The following RGR variants were observed in gnomAD, a reference collection of about 807,000 sequenced individuals.
RGR encodes the protein RPE-retinal G protein-coupled receptor.
Under a neutral mutation model 28.6 loss-of-function variants are expected in RGR, and 30 were observed. The observed-to-expected ratio is 1.05, with a 90% confidence interval of 0.78 to 1.42. The LOEUF is 1.42. Ranked by LOEUF, RGR falls within the 40% of genes most tolerant of loss-of-function variation. RGR has a pLI of 0.00. For missense variants in RGR, 404 were observed against 375.6 expected, an observed-to-expected ratio of 1.08 and a Z score of -0.62; for synonymous variants, 180 against 156.4, an observed-to-expected ratio of 1.15 and a Z score of -1.13.
intron 3 of RGR, among the ~76,000 whole-genome samples, chr10:84,252,538 C>T (rs558161278): frequency 1.6e-4 from 24 of 152,324 alleles, no homozygotes; most frequent in African/African-American, 5.5e-4. Context: ...CCATTGTGGG[C>T]GAGAATACTG....
In RGR at chr10:84,245,176, C is replaced by T. The variant is rs771969695; in HGVS notation, c.79+7C>T. 6 of 1,611,920 alleles carry T rather than the reference C, an allele frequency of 3.7e-6. No homozygotes were observed. The Admixed American group carries it at 1.0e-4, about 27-fold the overall frequency. ...ATGGTGCTACTGGTGGAAGGTGAGCCAGGCAGAACCTGGGGTGCAGCGGGG... is the reference window on the plus strand; with the variant it reads ...ATGGTGCTACTGGTGGAAGGTGAGCTAGGCAGAACCTGGGGTGCAGCGGGG... On this transcript the variant is annotated splice_region_variant and intron_variant, in intron 1 of 6. Coordinates refer to ENST00000652092, the MANE Select transcript of RGR (RefSeq NM_001012720.2).
At chr10:84,258,319 C>G (rs1400026399) in intron 6 of RGR, among the ~76,000 whole-genome samples, 189 bp from the exon 7 acceptor site, 2 of 152,114 alleles carry the variant, frequency 1.3e-5, no homozygotes, top group African/African-American at 2.4e-5. Context: ...GCAGGTGGGT[C>G]TGGACAAGAG....
intron 6 of RGR, 127 bp from the exon 7 acceptor site, chr10:84,258,381 A>G: frequency 6.7e-6 from 10 of 1,484,076 alleles, no homozygotes; most frequent in Non-Finnish European, 9.3e-6. Flanking sequence ...TAGTCAGGGA[A>G]GCCTCCAAGG....
chr10:84,245,737 C>CG (rs1842739288), intron 1 of RGR, among the ~76,000 whole-genome samples: 1 of 152,222 alleles, frequency 6.6e-6, no homozygotes, highest in African/African-American at 2.4e-5. Context: ...TCCTCTCCAG[C>CG]CCCACCACTA....
At chr10:84,251,234 C>CA (rs1842814899) in intron 3 of RGR, among the ~76,000 whole-genome samples, 3 of 152,086 alleles carry the variant, frequency 2.0e-5, no homozygotes, top group South Asian at 4.1e-4. Context: ...GACTCTGTCT[C>CA]AAAAATTTTT....
chr10:84,250,040 C>G (rs899362470), intron 3 of RGR, among the ~76,000 whole-genome samples: 2 of 152,154 alleles, frequency 1.3e-5, no homozygotes, highest in African/African-American at 4.8e-5. Flanking sequence ...CCCTGTTTAC[C>G]ACCAGGGGTA....
At chr10:84,253,677 T>C (rs1842847762) in intron 4 of RGR, among the ~76,000 whole-genome samples, 1 of 152,208 alleles carries the variant, frequency 6.6e-6, no homozygotes, top group Non-Finnish European at 1.5e-5. Flanking sequence ...TCATGAGGCA[T>C]CTGCACTGGA....
At chr10:84,248,153 T>C in intron 2 of RGR, 1 of 986,668 alleles carries the variant, frequency 1.0e-6, no homozygotes, top group South Asian at 1.6e-5. Flanking sequence ...TACCTAGGAC[T>C]CTACGTAAGT....
Position 84,258,655 on chromosome 10 carries a change from G to C in RGR, c.*16G>C, listed in dbSNP as rs774665531. On this transcript the variant is annotated 3_prime_UTR_variant, in exon 7 of 7. Transcript: ENST00000652092. ...AACCAAGTGAGCCTGCCACCCTGGAGTGAGCCCCAGGCCAGGAGGCTGTTC... is the reference window on the plus strand; with the variant it reads ...AACCAAGTGAGCCTGCCACCCTGGACTGAGCCCCAGGCCAGGAGGCTGTTC... 1.9e-6 allele frequency: 3 copies of C among 1,613,950 alleles called. No individual in the cohort carries two copies. The East Asian group carries it at 6.7e-5, about 36-fold the overall frequency.
At position 84,259,368 on chromosome 10, in the gene RGR, T is replaced by G. The variant is rs1440433287; in HGVS notation, c.*729T>G. The G allele has an allele frequency of 1.3e-5, 2 of 152,542 alleles. No individual in the cohort carries two copies. The highest frequency in any genetic ancestry group is 2.9e-5 in the Non-Finnish European group (2 of 68,292). 9.4% of individuals were successfully genotyped at this position (152,542 alleles called of 1,614,324 possible). On this transcript the variant is annotated 3_prime_UTR_variant, in exon 7 of 7. Transcript: ENST00000652092. ...AAGCATACAAGTGCAGGTTTCTTTT[T>G]GATATACTGATTTCTTTTCCTTTGG...
intron 1 of RGR, among the ~76,000 whole-genome samples, chr10:84,246,287 T>TG (rs1842745367): frequency 6.6e-6 from 1 of 152,228 alleles, no homozygotes; most frequent in Non-Finnish European, 1.5e-5. Context: ...CATAGATGAA[T>TG]TACATCGTGG....
At chr10:84,250,517 TACACACACACACACAC>T (rs34459757) in intron 3 of RGR, 12 of 607,556 alleles carry the variant, frequency 2.0e-5, no homozygotes, top group South Asian at 3.6e-5. Flanking sequence ...GACCATCTTA[TACACACACACACACAC>T]ACACACACAC....
At position 84,253,557 on chromosome 10, in the gene RGR, C is replaced by A. The variant is rs201350947; in HGVS notation, c.512+547C>A. Among the ~76,000 whole-genome samples the A allele has an allele frequency of 5.9e-5, 9 of 152,194 alleles. No homozygotes were observed. The East Asian group carries it at 1.5e-3, about 26-fold the overall frequency. ...TCAGGAGGCTCTAGGGAGACAAGGGCTTAGGGGGATCCTTTAGGAACTGCC... is the reference window on the plus strand; with the variant it reads ...TCAGGAGGCTCTAGGGAGACAAGGGATTAGGGGGATCCTTTAGGAACTGCC... On this transcript the variant is annotated intron_variant, in intron 4 of 6. Transcript: ENST00000652092.
At position 84,259,575 on chromosome 10, in the gene RGR, T is replaced by C. The variant is rs1286551954; in HGVS notation, c.*936T>C. 6.6e-6 allele frequency: 1 copy of C among 152,212 alleles called. No homozygotes were observed. The highest frequency in any genetic ancestry group is 1.9e-4 in the East Asian group (1 of 5,198). The allele number at this position is 152,212 out of a possible 1,614,324, so 9.4% of individuals were successfully genotyped here. On this transcript the variant is annotated 3_prime_UTR_variant, in exon 7 of 7. Coordinates refer to ENST00000652092, the MANE Select transcript of RGR (RefSeq NM_001012720.2). Reference sequence around the variant, plus strand: ...CTGTAATTTTTTGACTTTTTAATAATAGCCATTCTCACTTGTGTGAGATAA... The same window carrying C: ...CTGTAATTTTTTGACTTTTTAATAACAGCCATTCTCACTTGTGTGAGATAA...
chr10:84,254,432 G>A lies in RGR; in HGVS notation c.619G>A (p.Gly207Ser). 6.2e-7 allele frequency: 1 copy of A among 1,613,888 alleles called. No individual in the cohort carries two copies. Among genetic ancestry groups the A allele is most frequent in the Non-Finnish European group, 8.5e-7 (1 of 1,179,802 alleles). Residue 207 changes from glycine to serine, a missense_variant, in exon 5 of 7, where the codon GGC (glycine) becomes AGC (serine). Coordinates refer to ENST00000652092, the MANE Select transcript of RGR (RefSeq NM_001012720.2). ...CATGGAGCAGAAACTGGGGAAGAGT[G>A]GCCATCTCCAGGTAAGGACCCCCTT... ...SLMEQKLGKS[G>S]HLQVNTTLPA... is the part of the protein sequence containing the mutation.
intron 5 of RGR, chr10:84,255,306 G>C (rs1387849736): frequency 5.9e-5 from 9 of 152,526 alleles, no homozygotes; most frequent in Admixed American, 5.2e-4. Flanking sequence ...GGACTGCTCA[G>C]ATTCACCCAG....
At chr10:84,248,742 C>T in intron 2 of RGR, 180 bp from the exon 3 acceptor site, 2 of 1,071,078 alleles carry the variant, frequency 1.9e-6, no homozygotes, top group Non-Finnish European at 2.8e-6. Context: ...GTGCATTGGG[C>T]TCCACCCCTT....
At chr10:84,254,529 C>T in intron 5 of RGR, 86 bp downstream of exon 5, 1 of 1,092,980 alleles carries the variant, frequency 9.1e-7, no homozygotes, top group Non-Finnish European at 1.4e-6. Context: ...GGATGTGACA[C>T]ACACAAACAG....
chr10:84,257,032 C>T (rs1842897281), intron 5 of RGR, among the ~76,000 whole-genome samples: 1 of 152,070 alleles, frequency 6.6e-6, no homozygotes, highest in Non-Finnish European at 1.5e-5. Flanking sequence ...AAAAAAGTCT[C>T]TTGGTCAACA....
Sources: gnomAD v4.1 joint callset for allele counts (sites outside exome capture counted in the v4.1 genomes callset) on GRCh38, gnomAD v4.1.1 for gene constraint, MANE v1.5 for transcripts, NCBI Gene and HGNC (gene_info 2026-07-23, HGNC 2026-07-21) for gene names.